Variants in TTC39C observed in about 807,000 individuals in gnomAD.
The protein encoded by TTC39C is tetratricopeptide repeat domain 39C, also known as tetratricopeptide repeat protein 39C.
TTC39C carries 33 observed loss-of-function variants against 76.3 expected under a neutral mutation model. The ratio of observed to expected loss-of-function variants is 0.43; its 90% CI spans 0.33 to 0.58. The LOEUF is 0.58. Ranked by LOEUF, TTC39C falls within the 20% of genes least tolerant of loss-of-function variation. The pLI is 0.04. For synonymous variants in TTC39C, 254 were observed against 260.6 expected (o/e 0.97, Z 0.24); for missense variants, 595 against 701.4 (o/e 0.85, Z 1.71).
chr18:24,015,269 GCGCCCGCCC>G, intron 1 of TTC39C: 1 of 404,912 alleles, frequency 2.5e-6, no homozygotes, highest in Non-Finnish European at 4.3e-6. Context: ...GACCCGCCGC[GCGCCCGCCC>G]CGCGCGCCCG....
At chr18:24,094,220 GT>G (rs1453396263) in intron 6 of TTC39C, among the ~76,000 whole-genome samples, 24 of 152,238 alleles carry the variant, frequency 1.6e-4, no homozygotes, top group Non-Finnish European at 1.0e-4. Flanking sequence ...ATCTCTTCAT[GT>G]TTTGTCCTGC....
intron 6 of TTC39C, among the ~76,000 whole-genome samples, chr18:24,106,945 A>G (rs1002332238): frequency 1.3e-5 from 2 of 152,218 alleles, no homozygotes; most frequent in African/African-American, 4.8e-5. Flanking sequence ...TTGGCGTCCC[A>G]AAGTGCTGGG....
At chr18:24,084,614 C>T (rs952081337) in intron 6 of TTC39C, among the ~76,000 whole-genome samples, 1 of 152,066 alleles carries the variant, frequency 6.6e-6, no homozygotes, top group African/African-American at 2.4e-5. Flanking sequence ...CATACAGGCT[C>T]GTGAGCCCTT....
intron 1 of TTC39C, among the ~76,000 whole-genome samples, chr18:24,019,175 G>A (rs184885864): frequency 6.6e-6 from 1 of 152,266 alleles, no homozygotes; most frequent in East Asian, 1.9e-4. Flanking sequence ...AATGAGCTTC[G>A]CAGTTCTTAT....
intron 1 of TTC39C, among the ~76,000 whole-genome samples, chr18:24,029,350 C>T (rs1193310341): frequency 6.6e-6 from 1 of 152,130 alleles, no homozygotes; most frequent in Admixed American, 6.5e-5. Flanking sequence ...AATCCACCCA[C>T]CTTGGCTTCT....
intron 1 of TTC39C, among the ~76,000 whole-genome samples, chr18:24,042,896 A>G (rs1194620476): frequency 6.6e-6 from 1 of 152,124 alleles, no homozygotes; most frequent in African/African-American, 2.4e-5. Flanking sequence ...TTTCCTGTGT[A>G]CTGAAGCATT....
intron 5 of TTC39C, among the ~76,000 whole-genome samples, chr18:24,081,878 T>C (rs1859819187): frequency 6.6e-6 from 1 of 152,206 alleles, no homozygotes; most frequent in Admixed American, 6.6e-5. Context: ...TATGCTTATC[T>C]CTGATAAAGA....
chr18:24,065,014 G>C (rs76498497), intron 2 of TTC39C, among the ~76,000 whole-genome samples: 1 of 152,182 alleles, frequency 6.6e-6, no homozygotes, highest in Non-Finnish European at 1.5e-5. Context: ...ACTGGGTGGC[G>C]GTTGTAACAT....
chr18:24,087,445 G>A (rs1473894719), intron 6 of TTC39C, among the ~76,000 whole-genome samples: 1 of 152,140 alleles, frequency 6.6e-6, no homozygotes, highest in East Asian at 1.9e-4. Context: ...CTTATATGGT[G>A]TGACTAGTAA....
At chr18:24,030,648 C>CATTTTTT (rs1481201965) in intron 1 of TTC39C, among the ~76,000 whole-genome samples, 1 of 89,042 alleles carries the variant, frequency 1.1e-5, no homozygotes, top group African/African-American at 4.1e-5. Context: ...AAAGATAGGC[C>CATTTTTT]TTTTTTTTTT....
chr18:24,051,168 T>C lies in TTC39C; in HGVS notation c.168-12972T>C, dbSNP rs903012307. On this transcript the variant is annotated intron_variant, in intron 1 of 13. Transcript: ENST00000317571. Reference sequence around the variant, plus strand: ...GGACTGTCCAGCCTCCTGCTTATTCTTCCCTTCCGTGGGGAGGAAACCCAG... The same window carrying C: ...GGACTGTCCAGCCTCCTGCTTATTCCTCCCTTCCGTGGGGAGGAAACCCAG... 2.0e-5 allele frequency among the ~76,000 whole-genome samples: 3 copies of C among 152,152 alleles called. No individual in the cohort carries two copies. The South Asian group carries it at 6.2e-4, about 32-fold the overall frequency.
chr18:24,082,852 A>C (rs2305024), intron 5 of TTC39C, 61 bp from the exon 6 acceptor site: 1,357,713 of 1,493,744 alleles, frequency 0.91, 623,490 homozygotes, highest in Non-Finnish European at 0.94. Flanking sequence ...TGGAGTTTTG[A>C]AAAATGGAAA....
At chr18:23,994,251 T>C (rs2083241898) in intron 1 of TTC39C, 1 of 151,832 alleles carries the variant, frequency 6.6e-6, no homozygotes, top group Non-Finnish European at 1.5e-5. Flanking sequence ...TGTGCCACGG[T>C]TTTTGTTTAA....
At chr18:24,039,927 A>T (rs2083771727) in intron 1 of TTC39C, among the ~76,000 whole-genome samples, 1 of 152,162 alleles carries the variant, frequency 6.6e-6, no homozygotes, top group Non-Finnish European at 1.5e-5. Context: ...AGAGCAAGAG[A>T]GGGAATACAG....
At chr18:24,083,601 C>A (rs79444176) in intron 6 of TTC39C, among the ~76,000 whole-genome samples, 2 of 152,166 alleles carry the variant, frequency 1.3e-5, no homozygotes. Flanking sequence ...ATCCTCAGAA[C>A]AACCCTGTGA....
At chr18:24,010,661 G>C (rs1267119847), upstream of TTC39C, among the ~76,000 whole-genome samples, 1 of 152,180 alleles carries the variant, frequency 6.6e-6, no homozygotes, top group African/African-American at 2.4e-5. Flanking sequence ...ATGCACAAAG[G>C]CATGACTGTT....
At chr18:24,021,166 G>C (rs2145653472) in intron 1 of TTC39C, among the ~76,000 whole-genome samples, 1 of 152,312 alleles carries the variant, frequency 6.6e-6, no homozygotes, top group East Asian at 1.9e-4. Context: ...CAGAAAAGTA[G>C]ATGGCTGTGT....
intron 1 of TTC39C, among the ~76,000 whole-genome samples, chr18:24,049,956 A>G (rs1335832460): frequency 6.6e-6 from 1 of 152,188 alleles, no homozygotes; most frequent in African/African-American, 2.4e-5. Flanking sequence ...CTAACTCAAG[A>G]AAGCATTTGG....
intron 10 of TTC39C, among the ~76,000 whole-genome samples, chr18:24,127,938 G>A (rs2085070797): frequency 1.3e-5 from 2 of 152,232 alleles, no homozygotes; most frequent in South Asian, 4.1e-4. Flanking sequence ...CAGAATAAAA[G>A]CCCAAGTCCA....
Sources: allele counts gnomAD v4.1 joint callset (sites outside exome capture counted in the v4.1 genomes callset), GRCh38; gene constraint gnomAD v4.1.1; transcripts MANE v1.5; gene names NCBI Gene and HGNC (gene_info 2026-07-23, HGNC 2026-07-21).